The following LGSN variants were observed in gnomAD, a reference collection of about 807,000 sequenced individuals.
LGSN encodes the protein lengsin, lens protein with glutamine synthetase domain.
Under a neutral mutation model 19.5 loss-of-function variants are expected in LGSN, and 21 were observed. The observed-to-expected ratio is 1.07, with a 90% CI of 0.76 to 1.55. The LOEUF is 1.55. Ranked by LOEUF, LGSN falls within the 40% of genes most tolerant of loss-of-function variation. The pLI is 0.00. For missense variants in LGSN, 673 were observed against 608.5 expected, an observed-to-expected ratio of 1.11 and a Z score of -1.12; for synonymous variants, 257 against 215.6, an observed-to-expected ratio of 1.19 and a Z score of -1.68.
the LGSN span, among the ~76,000 whole-genome samples, chr6:63,477,154 T>A: frequency 1.8e-4 from 27 of 152,236 alleles, no homozygotes; most frequent in Non-Finnish European, 5.9e-5. Flanking sequence ...TAAAATTTAA[T>A]ATACAGAATT....
chr6:63,413,897 T>C, the LGSN span, among the ~76,000 whole-genome samples: 3 of 152,226 alleles, frequency 2.0e-5, no homozygotes, highest in Non-Finnish European at 4.4e-5. Flanking sequence ...TGTATATATA[T>C]AATTCATTTA....
the LGSN span, among the ~76,000 whole-genome samples, chr6:63,561,358 T>G: frequency 6.6e-6 from 1 of 152,178 alleles, no homozygotes; most frequent in South Asian, 2.1e-4. Context: ...ACTCAATAAA[T>G]GTCAGTCAAT....
chr6:63,525,160 G>T, the LGSN span, among the ~76,000 whole-genome samples: 2 of 152,194 alleles, frequency 1.3e-5, no homozygotes, highest in African/African-American at 2.4e-5. Flanking sequence ...TACTGAATCA[G>T]AACTCTGGTA....
At chr6:63,391,308 AGAGGTT>A in the LGSN span, among the ~76,000 whole-genome samples, 2 of 152,234 alleles carry the variant, frequency 1.3e-5, no homozygotes, top group Non-Finnish European at 2.9e-5. Flanking sequence ...GTAAGAACCA[AGAGGTT>A]GTGTCTTAGC....
chr6:63,357,947 A>G, the LGSN span, among the ~76,000 whole-genome samples: 3 of 152,006 alleles, frequency 2.0e-5, no homozygotes, highest in Admixed American at 2.0e-4. Context: ...GTTTTCTTCT[A>G]GGGTTTTTAT....
chr6:63,342,235 T>C, the LGSN span, among the ~76,000 whole-genome samples: 3 of 152,228 alleles, frequency 2.0e-5, no homozygotes, highest in Non-Finnish European at 4.4e-5. Flanking sequence ...TCAATGTCTT[T>C]ACAATTTCAT....
the LGSN span, among the ~76,000 whole-genome samples, chr6:63,361,593 C>T: frequency 1.3e-5 from 2 of 152,200 alleles, no homozygotes; most frequent in Non-Finnish European, 2.9e-5. Context: ...TCCCTGACCC[C>T]TTGAGCTTCC....
At chr6:63,483,041 C>T in the LGSN span, among the ~76,000 whole-genome samples, 1 of 152,180 alleles carries the variant, frequency 6.6e-6, no homozygotes, top group Admixed American at 6.5e-5. Context: ...TACTGCATGT[C>T]AGGCACTGTT....
the LGSN span, among the ~76,000 whole-genome samples, chr6:63,503,714 A>T: frequency 6.6e-6 from 1 of 152,158 alleles, no homozygotes; most frequent in Non-Finnish European, 1.5e-5. Context: ...CAGGAGTTTG[A>T]GACCAGCCTG....
At chr6:63,455,058 G>T in the LGSN span, among the ~76,000 whole-genome samples, 2 of 152,054 alleles carry the variant, frequency 1.3e-5, no homozygotes, top group East Asian at 1.9e-4. Context: ...CTCCCAAAGT[G>T]CTGGGATTAC....
the LGSN span, among the ~76,000 whole-genome samples, chr6:63,466,953 G>A: frequency 6.6e-6 from 1 of 152,072 alleles, no homozygotes. Context: ...AGAAAATGAT[G>A]AATAAAATAA....
At chr6:63,389,628 A>C in the LGSN span, among the ~76,000 whole-genome samples, 1 of 152,218 alleles carries the variant, frequency 6.6e-6, no homozygotes, top group African/African-American at 2.4e-5. Context: ...ATCTGTATAC[A>C]AAACTCTTGG....
chr6:63,290,048 GC>G (rs1375426834), intron 2 of LGSN, among the ~76,000 whole-genome samples: 1 of 151,026 alleles, frequency 6.6e-6, no homozygotes. Flanking sequence ...GGGAAAGGGG[GC>G]TTTTCTTTGA....
chr6:63,354,127 A>G, the LGSN span, among the ~76,000 whole-genome samples: 2 of 152,140 alleles, frequency 1.3e-5, no homozygotes, highest in African/African-American at 4.8e-5. Flanking sequence ...CAGGTAACAA[A>G]AATAAAAATA....
the LGSN span, among the ~76,000 whole-genome samples, chr6:63,487,716 C>T: frequency 1.3e-5 from 2 of 152,180 alleles, no homozygotes; most frequent in Admixed American, 6.5e-5. Flanking sequence ...CGTGGTTGCT[C>T]ACGCCTGTAA....
the LGSN span, among the ~76,000 whole-genome samples, chr6:63,402,920 TA>T: frequency 1.3e-5 from 2 of 152,090 alleles, no homozygotes; most frequent in Non-Finnish European, 2.9e-5. Context: ...CCCTCAAAAA[TA>T]AGAAATTTTA....
the LGSN span, chr6:63,548,855 T>C: frequency 1.3e-6 from 1 of 762,724 alleles, no homozygotes; most frequent in Admixed American, 1.7e-5. Flanking sequence ...TAGCTCCCAC[T>C]AGCTTAGCCA....
the LGSN span, among the ~76,000 whole-genome samples, chr6:63,329,939 G>A: frequency 6.6e-6 from 1 of 152,184 alleles, no homozygotes; most frequent in African/African-American, 2.4e-5. Context: ...TCCAGGACAG[G>A]AGATTAACAC....
chr6:63,352,434 C>G, the LGSN span, among the ~76,000 whole-genome samples: 2 of 152,016 alleles, frequency 1.3e-5, no homozygotes, highest in Non-Finnish European at 2.9e-5. Context: ...GAGGCTGAGG[C>G]AGGATTGCTT....
Sources: allele counts gnomAD v4.1 joint callset (sites outside exome capture counted in the v4.1 genomes callset), GRCh38; gene constraint gnomAD v4.1.1; transcripts MANE v1.5; gene names NCBI Gene and HGNC (gene_info 2026-07-23, HGNC 2026-07-21).